The following CPEB3 variants were observed in gnomAD, a reference collection of about 807,000 sequenced individuals.
CPEB3 encodes the protein cytoplasmic polyadenylation element binding protein 3.
A neutral mutation model predicts 67.2 loss-of-function variants in CPEB3; 20 were observed. The observed-to-expected ratio is 0.30, with a 90% CI of 0.21 to 0.43. The LOEUF is 0.43. Among genes scored for constraint, CPEB3 ranks in the 20% least tolerant of loss-of-function variants. The pLI is 1.00. For synonymous variants in CPEB3, 376 were observed against 393.1 expected (o/e 0.96, Z 0.51); for missense variants, 746 against 968.6 (o/e 0.77, Z 3.05).
intron 6 of CPEB3, among the ~76,000 whole-genome samples, chr10:92,121,333 G>A (rs1035708758): frequency 1.4e-5 from 2 of 148,102 alleles, no homozygotes; most frequent in African/African-American, 4.9e-5. Context: ...AATGGCTATT[G>A]GGGAAATACA....
rs376568880 is a variant in CPEB3 at position 92,257,673 on chromosome 10, A to T, written c.-11-17312T>A. Among the ~76,000 whole-genome samples, 7 of 152,226 alleles carry T rather than the reference A, an allele frequency of 4.6e-5. No homozygotes were observed. The East Asian group carries it at 5.8e-4, about 13-fold the overall frequency. On this transcript the variant is annotated intron_variant, in intron 1 of 9. Transcript: ENST00000265997. ...CATAAAAACAATGTATAAATAGTATAAAAAAACAGAATCCGGTTCCTGATA... is the reference window on the plus strand; with the variant it reads ...CATAAAAACAATGTATAAATAGTATTAAAAAACAGAATCCGGTTCCTGATA...
At position 92,240,277 on chromosome 10, in the gene CPEB3, T is replaced by A. The variant is rs1564900302; in HGVS notation, c.74A>T (p.Gln25Leu). Residue 25 changes from glutamine (Q) to leucine (L), a missense_variant, in exon 2 of 10, where the codon CAG (glutamine) becomes CTG (leucine). Gln to Leu is a moderately radical substitution (Grantham distance 113, BLOSUM62 -2). Transcript: ENST00000265997. ...GGATACGCTGGACTCAGGTTGGGGC[T>A]GCTGCTGCTGCCGCTGCTGCTGCTG... ...QPQQQQRQQQ[Q>L]PQPESSVSEA... 1.3e-6 allele frequency: 2 copies of A among 1,508,810 alleles called. No individual in the cohort carries two copies. Among genetic ancestry groups the A allele is most frequent in the Admixed American group, 4.5e-5 (2 of 44,376 alleles). The allele number at this position is 1,508,810 out of a possible 1,614,324, so 93.5% of individuals were successfully genotyped here.
intron 1 of CPEB3, among the ~76,000 whole-genome samples, chr10:92,286,583 T>TA (rs757526293): frequency 0.026 from 2,666 of 102,390 alleles, 43 homozygotes; most frequent in African/African-American, 0.054. Context: ...AGACTCTATC[T>TA]AAAAAAAAAA....
intron 6 of CPEB3, among the ~76,000 whole-genome samples, chr10:92,132,748 A>C (rs1046151839): frequency 1.3e-5 from 2 of 152,178 alleles, no homozygotes; most frequent in Admixed American, 6.6e-5. Context: ...TCATTCCAAA[A>C]TTGACAACAT....
At chr10:92,093,131 A>G (rs1347017562) in intron 7 of CPEB3, among the ~76,000 whole-genome samples, 2 of 152,162 alleles carry the variant, frequency 1.3e-5, no homozygotes, top group African/African-American at 4.8e-5. Flanking sequence ...CCAGAAGGCA[A>G]ATTTTGCACG....
intron 1 of CPEB3, among the ~76,000 whole-genome samples, chr10:92,256,702 C>T (rs898980675): frequency 6.6e-6 from 1 of 152,172 alleles, no homozygotes; most frequent in African/African-American, 2.4e-5. Flanking sequence ...AACTCTTCTA[C>T]ACGTACTCTT....
At chr10:92,110,927 C>T (rs777513216) in intron 7 of CPEB3, 149 bp downstream of exon 7, 40 of 690,338 alleles carry the variant, frequency 5.8e-5, no homozygotes, top group Non-Finnish European at 8.7e-5. Flanking sequence ...TTTCCCATCA[C>T]CAACGAAAGT....
At chr10:92,082,263 CCTTT>C (rs1280915584) in intron 8 of CPEB3, among the ~76,000 whole-genome samples, 1 of 137,070 alleles carries the variant, frequency 7.3e-6, no homozygotes, top group Non-Finnish European at 1.5e-5. Context: ...TCTAAATATG[CCTTT>C]GTTTGTTTGT....
At chr10:92,280,161 G>T (rs1842198976) in intron 1 of CPEB3, among the ~76,000 whole-genome samples, 2 of 151,872 alleles carry the variant, frequency 1.3e-5, no homozygotes, top group Non-Finnish European at 2.9e-5. Flanking sequence ...TGGCCAACAT[G>T]ATGAAACCCG....
chr10:92,147,586 T>C (rs1378800439), intron 4 of CPEB3, among the ~76,000 whole-genome samples: 1 of 152,172 alleles, frequency 6.6e-6, no homozygotes, highest in Non-Finnish European at 1.5e-5. Context: ...ATAAGATACT[T>C]CCTTGCCAAA....
chr10:92,195,923 T>C (rs1041107677), intron 2 of CPEB3, among the ~76,000 whole-genome samples: 5 of 152,202 alleles, frequency 3.3e-5, no homozygotes, highest in African/African-American at 1.2e-4. Context: ...TGTAACTAAC[T>C]GCACATTACA....
At chr10:92,155,550 T>C (rs1281160106) in intron 4 of CPEB3, among the ~76,000 whole-genome samples, 1 of 152,236 alleles carries the variant, frequency 6.6e-6, no homozygotes, top group Non-Finnish European at 1.5e-5. Flanking sequence ...TTAAGGAAGA[T>C]GACTTCTTTT....
At chr10:92,148,670 T>C (rs974829263) in intron 4 of CPEB3, among the ~76,000 whole-genome samples, 1 of 152,060 alleles carries the variant, frequency 6.6e-6, no homozygotes, top group East Asian at 1.9e-4. Context: ...ACACCAAAAA[T>C]GTTAAATGTG....
At chr10:92,145,888 A>G (rs1846655790) in intron 4 of CPEB3, among the ~76,000 whole-genome samples, 1 of 152,200 alleles carries the variant, frequency 6.6e-6, no homozygotes, top group African/African-American at 2.4e-5. Context: ...AAAACTGGTG[A>G]CAGAGGCTGA....
chr10:92,057,064 C>G (rs1162855614), intron 9 of CPEB3, among the ~76,000 whole-genome samples: 1 of 152,186 alleles, frequency 6.6e-6, no homozygotes, highest in African/African-American at 2.4e-5. Flanking sequence ...CCCTGAATAG[C>G]CAGCAGTGAC....
At chr10:92,076,801 AAG>A (rs1223165196) in intron 9 of CPEB3, among the ~76,000 whole-genome samples, 2 of 151,208 alleles carry the variant, frequency 1.3e-5, no homozygotes, top group Non-Finnish European at 2.9e-5. Context: ...AAGAAGGAGA[AAG>A]AGGAGGAGGA....
chr10:92,227,878 A>T (rs965954617), intron 2 of CPEB3, among the ~76,000 whole-genome samples: 1 of 151,094 alleles, frequency 6.6e-6, no homozygotes, highest in Non-Finnish European at 1.5e-5. Context: ...GGCGTGAGCC[A>T]CCGCGCCCGG....
chr10:92,108,957 A>T (rs1030620166), intron 7 of CPEB3, among the ~76,000 whole-genome samples: 1 of 152,158 alleles, frequency 6.6e-6, no homozygotes, highest in Non-Finnish European at 1.5e-5. Flanking sequence ...GGCTTGTCCC[A>T]CAAGGCATAT....
In CPEB3 at chr10:92,134,728, A is replaced by G. The variant is rs145923906; in HGVS notation, c.1453+8301T>C. Among the ~76,000 whole-genome samples the G allele has an allele frequency of 5.7e-3, 860 of 152,096 alleles. 16 individuals are homozygous for G. Among genetic ancestry groups the G allele is most frequent in the Admixed American group, 0.01 (155 of 15,286 alleles). On this transcript the variant is annotated intron_variant, in intron 6 of 9. Transcript: ENST00000265997. ...CAAGACAATTCTAGGCAACAAGAAC[A>G]AAGCTGGAGGCATCATGCTACCTGA...
Sources: allele counts gnomAD v4.1 joint callset (sites outside exome capture counted in the v4.1 genomes callset), GRCh38; gene constraint gnomAD v4.1.1; transcripts MANE v1.5; gene names NCBI Gene and HGNC (gene_info 2026-07-23, HGNC 2026-07-21).